UBXN4: variants seen among roughly 807,000 people sequenced by gnomAD.
The protein encoded by UBXN4 is UBX domain protein 4, also known as UBX domain-containing protein 4.
In UBXN4, 35 loss-of-function variants were observed where a neutral mutation model predicts 66.2. The observed-to-expected ratio is 0.53, with a 90% CI of 0.40 to 0.70. The LOEUF (loss-of-function observed/expected upper bound fraction) is 0.70. Ranked by LOEUF, UBXN4 falls within the 30% of genes least tolerant of loss-of-function variation. The pLI, the probability that UBXN4 is intolerant of heterozygous loss-of-function variation, is 0.00. For missense variants in UBXN4, 533 were observed against 599.8 expected (o/e 0.89, Z 1.16); for synonymous variants, 203 against 204.5 (o/e 0.99, Z 0.06).
chr2:135,751,782 A>G (rs889193850), intron 2 of UBXN4, among the ~76,000 whole-genome samples: 9 of 151,676 alleles, frequency 5.9e-5, no homozygotes, highest in African/African-American at 1.9e-4. Context: ...ATTTTTTACT[A>G]TGTTTTTAAA....
At chr2:135,755,131 T>A (rs1172070897) in intron 4 of UBXN4, among the ~76,000 whole-genome samples, 1 of 152,222 alleles carries the variant, frequency 6.6e-6, no homozygotes, top group Admixed American at 6.5e-5. Context: ...CATAACTTTG[T>A]TGAAAGAGAA....
intron 5 of UBXN4, among the ~76,000 whole-genome samples, chr2:135,758,369 C>A (rs1010748908): frequency 6.6e-6 from 1 of 151,986 alleles, no homozygotes; most frequent in Non-Finnish European, 1.5e-5. Context: ...CCACCACGCC[C>A]AGCCTAATTT....
chr2:135,776,290 C>T lies in UBXN4; in HGVS notation c.992C>T (p.Ser331Phe). The T allele has an allele frequency of 6.2e-7, 1 of 1,614,044 alleles. No homozygotes were observed. The change falls in exon 10 of 13, where the codon TCC becomes TTC. Residue 331 changes from serine (S) to phenylalanine (F), a missense_variant. Around this residue, in one of 2 missense-constraint regions of UBXN4, gnomAD observed 529 missense variants for 580.1 expected, o/e 0.91. Transcript: ENST00000272638. ...RIQFRLPDGSSFTNQFPSDAP... is the reference protein window; with the variant it reads ...RIQFRLPDGSFFTNQFPSDAP... ...CAATTCCGTCTTCCTGATGGTTCTT[C>T]CTTTACAAATCAGTTCCCTTCTGAT...
intron 6 of UBXN4, among the ~76,000 whole-genome samples, chr2:135,766,013 C>T (rs551897846): frequency 1.3e-5 from 2 of 152,108 alleles, no homozygotes; most frequent in East Asian, 1.9e-4. Context: ...ATTACCCGGA[C>T]GTAGTGGTGG....
At chr2:135,747,165 G>A (rs1400612724) in intron 1 of UBXN4, among the ~76,000 whole-genome samples, 1 of 144,774 alleles carries the variant, frequency 6.9e-6, no homozygotes, top group African/African-American at 2.6e-5. Context: ...GGCCAACATA[G>A]TGAAACCCCA....
At position 135,754,114 on chromosome 2, in the gene UBXN4, T is replaced by A. The variant is rs767807786; in HGVS notation, c.215-45T>A. 7 of 1,371,678 alleles carry A rather than the reference T, an allele frequency of 5.1e-6. No individual in the cohort carries two copies. The Admixed American group carries it at 1.2e-4, about 23-fold the overall frequency. 85.0% of individuals were successfully genotyped at this position (1,371,678 alleles called of 1,614,324 possible). The stretch of plus-strand genomic sequence containing the variant: ...TTACCAATAGTGTTTCGTAAAACTA[T>A]CCTTTCGTTTCACATGAATTGTTAG... On this transcript the variant is annotated intron_variant, in intron 3 of 12. Transcript: ENST00000272638.
chr2:135,774,821 G>A (rs1357328498), intron 9 of UBXN4, among the ~76,000 whole-genome samples: 1 of 151,546 alleles, frequency 6.6e-6, no homozygotes, highest in African/African-American at 2.4e-5. Flanking sequence ...CTCCAGCCTG[G>A]GCGACAGAGT....
chr2:135,753,616 C>A, intron 3 of UBXN4, 49 bp downstream of exon 3: 1 of 1,361,034 alleles, frequency 7.3e-7, no homozygotes, highest in Admixed American at 2.8e-5. Context: ...TATTTACCTT[C>A]CTTTTGGTTA....
chr2:135,745,874 A>ATTTTTTTTTTTTTTTTTT (rs1491420549), intron 1 of UBXN4, among the ~76,000 whole-genome samples: 2 of 13,904 alleles, frequency 1.4e-4, no homozygotes, highest in Non-Finnish European at 4.4e-4. Flanking sequence ...AGTCCCGTTT[A>ATTTTTTTTTTTTTTTTTT]CTTTTTTTTT....
At position 135,744,460 on chromosome 2, in the gene UBXN4, A is replaced by G. The variant is rs144229520; in HGVS notation, c.82+2449A>G. 8.1e-4 allele frequency among the ~76,000 whole-genome samples: 123 copies of G among 151,682 alleles called. 5 individuals carry two copies. The East Asian group carries it at 0.021, about 26-fold the overall frequency. On this transcript the variant is annotated intron_variant, in intron 1 of 12. Coordinates refer to ENST00000272638, the MANE Select transcript of UBXN4 (RefSeq NM_014607.4). ...AAGTGAAACAAAACGATATTCATTT[A>G]ATACTTGGGAAGGTAGAATAATCTG...
chr2:135,777,882 C>CA lies in UBXN4; in HGVS notation c.1054-1058dup, dbSNP rs552378797. ...TGTGCAACAGAGCAAGACTCCATCT[C>CA]AAAAAAAACAACAGGCTGGGCGCAG... On this transcript the variant is annotated intron_variant, in intron 10 of 12. Coordinates refer to ENST00000272638, the MANE Select transcript of UBXN4 (RefSeq NM_014607.4). Among the ~76,000 whole-genome samples the CA allele has an allele frequency of 3.7e-4, 50 of 136,408 alleles. No homozygotes were observed. The South Asian group carries it at 0.011, about 31-fold the overall frequency. The allele number at this position is 136,408 out of a possible 152,430, so 89.5% of individuals were successfully genotyped here.
rs2077468526 is a variant in UBXN4 at position 135,783,904 on chromosome 2, G to A, written c.*1017G>A. 1 of 152,170 alleles carries A rather than the reference G, an allele frequency of 6.6e-6. No individual in the cohort carries two copies. The highest frequency in any genetic ancestry group is 1.5e-5 in the Non-Finnish European group (1 of 68,028). The allele number at this position is 152,170 out of a possible 1,614,324, so 9.4% of individuals were successfully genotyped here. On this transcript the variant is annotated 3_prime_UTR_variant, in exon 13 of 13. Transcript: ENST00000272638. ...TAGTGGAGACCGCTAAACTAATGAT[G>A]TTTGAAAACAGTTCCTCTGTTTTAG...
intron 6 of UBXN4, among the ~76,000 whole-genome samples, chr2:135,762,887 T>G (rs568139019): frequency 1.8e-4 from 28 of 152,258 alleles, no homozygotes; most frequent in Middle Eastern, 3.4e-3. Context: ...TGGGCTGAAG[T>G]GAAAATAAAA....
intron 2 of UBXN4, 65 bp downstream of exon 2, chr2:135,748,434 G>C (rs2077222861): frequency 1.7e-6 from 2 of 1,198,644 alleles, no homozygotes; most frequent in Non-Finnish European, 2.2e-6. Context: ...GATTTATAGT[G>C]ATACTCTTGG....
chr2:135,779,938 A>C (rs2077439784), intron 11 of UBXN4, among the ~76,000 whole-genome samples: 2 of 147,180 alleles, frequency 1.4e-5, no homozygotes, highest in South Asian at 4.2e-4. Flanking sequence ...TATACTATAC[A>C]ATTATACAGT....
chr2:135,779,594 C>T (rs955588023), intron 11 of UBXN4, among the ~76,000 whole-genome samples: 6 of 151,978 alleles, frequency 3.9e-5, no homozygotes, highest in African/African-American at 7.2e-5. Context: ...CTATACTAGA[C>T]GTGCCCTCCA....
rs149040800 is a variant in UBXN4, at chr2:135,751,477, C to T, written c.186-2062C>T. ...TGCTGGGATTACAGGTGTGAGCCAT[C>T]GTGCCTGGCCTTAAAAACAAATTTC... On this transcript the variant is annotated intron_variant, in intron 2 of 12. Coordinates refer to ENST00000272638, the MANE Select transcript of UBXN4 (RefSeq NM_014607.4). Among the ~76,000 whole-genome samples, 262 of 151,650 alleles carry T rather than the reference C, an allele frequency of 1.7e-3. 7 individuals are homozygous for T. In the South Asian group the frequency reaches 0.032, roughly 19 times the overall value.
At chr2:135,746,066 C>T (rs753473299) in intron 1 of UBXN4, among the ~76,000 whole-genome samples, 2 of 151,608 alleles carry the variant, frequency 1.3e-5, no homozygotes, top group African/African-American at 2.4e-5. Flanking sequence ...TTAGTAGAGA[C>T]GGGGTTTCAC....
intron 5 of UBXN4, among the ~76,000 whole-genome samples, chr2:135,758,566 T>G (rs2105497908): frequency 6.6e-6 from 1 of 152,026 alleles, no homozygotes; most frequent in South Asian, 2.1e-4. Flanking sequence ...TACATAGAAG[T>G]AGAAAAAAAT....
Sources: gnomAD v4.1 joint callset for allele counts (sites outside exome capture counted in the v4.1 genomes callset) on GRCh38, gnomAD v4.1.1 for gene constraint, gnomAD v4.1.1 regional missense constraint, MANE v1.5 for transcripts, NCBI Gene and HGNC (gene_info 2026-07-23, HGNC 2026-07-21) for gene names.